TRPM6: variants seen among roughly 807,000 people sequenced by gnomAD.
TRPM6 encodes the protein channel kinase 2.
Under a neutral mutation model 247.6 loss-of-function variants are expected in TRPM6, and 111 were observed. The observed-to-expected ratio is 0.45, with a 90% CI of 0.38 to 0.52. The LOEUF is 0.52. TRPM6 is among the 20% of genes least tolerant of loss of function. The pLI is 0.00. For missense variants in TRPM6, 2,126 were observed against 2,421.5 expected, an observed-to-expected ratio of 0.88 and a Z score of 2.56; for synonymous variants, 892 against 853.8, an observed-to-expected ratio of 1.04 and a Z score of -0.78.
chr9:74,885,665 A>T (rs1831508798), intron 1 of TRPM6, among the ~76,000 whole-genome samples: 1 of 152,206 alleles, frequency 6.6e-6, no homozygotes, highest in Non-Finnish European at 1.5e-5. Flanking sequence ...CAAAGGAATA[A>T]CTGAGTTATA....
intron 14 of TRPM6, chr9:74,804,388 A>C (rs1217255686): frequency 2.0e-6 from 1 of 494,184 alleles, no homozygotes; most frequent in African/African-American, 2.0e-5. Flanking sequence ...ACTCATTGCC[A>C]TTAGCAGGAA....
At chr9:74,759,175 T>C (rs1826537598) in intron 27 of TRPM6, among the ~76,000 whole-genome samples, 1 of 152,096 alleles carries the variant, frequency 6.6e-6, no homozygotes, top group Non-Finnish European at 1.5e-5. Flanking sequence ...TGTTAAGATG[T>C]CAACTTTCCC....
Position 74,816,726 on chromosome 9 carries a change from A to G in TRPM6, c.1251T>C (p.Ala417=). ...SASEQLNLAM[A]WDRVDIAKKH... ...TCTTGGCAATGTCCACCCTGTCCCA[A>G]GCCATTGCCAGATTTAATTGCTCTG... is the stretch of plus-strand genomic sequence containing the variant. The change falls in exon 11 of 39, where the codon GCT becomes GCC. Residue 417 remains alanine (A), a synonymous_variant. Coordinates refer to ENST00000360774, the MANE Select transcript of TRPM6 (RefSeq NM_017662.5). 6.2e-7 allele frequency: 1 copy of G among 1,614,214 alleles called. No homozygotes were observed. Among genetic ancestry groups the G allele is most frequent in the Non-Finnish European group, 8.5e-7 (1 of 1,180,048 alleles).
At chr9:74,875,309 G>C (rs748093285) in intron 1 of TRPM6, 3 of 452,560 alleles carry the variant, frequency 6.6e-6, no homozygotes, top group Non-Finnish European at 1.3e-5. Context: ...TTGGGAGACC[G>C]AGGTGGGTGG....
chr9:74,777,682 C>G (rs1827271162), intron 23 of TRPM6, among the ~76,000 whole-genome samples: 2 of 152,194 alleles, frequency 1.3e-5, no homozygotes, highest in Non-Finnish European at 2.9e-5. Context: ...AGGCTCCCAG[C>G]TCTAAACCGT....
At chr9:74,869,761 T>C (rs1460815171) in intron 1 of TRPM6, among the ~76,000 whole-genome samples, 1 of 151,748 alleles carries the variant, frequency 6.6e-6, no homozygotes, top group Non-Finnish European at 1.5e-5. Flanking sequence ...AGAATGAAGA[T>C]GCAATGAGCG....
chr9:74,787,504 G>A (rs1340132383), intron 20 of TRPM6, among the ~76,000 whole-genome samples: 1 of 151,924 alleles, frequency 6.6e-6, no homozygotes, highest in African/African-American at 2.4e-5. Context: ...TTTCTCTCCT[G>A]ATTTTCTATA....
Position 74,733,891 on chromosome 9 carries a change from T to C in TRPM6, c.5777-1155A>G, listed in dbSNP as rs567517491. Among the ~76,000 whole-genome samples, 17 of 152,294 alleles carry C rather than the reference T, an allele frequency of 1.1e-4. 1 individual carries two copies. In the East Asian group the frequency reaches 3.1e-3, roughly 28 times the overall value. ...ATACTTTCATTCTACTTATAAACAG[T>C]AGAATAGAAACCACCAAATTCTTGA... On this transcript the variant is annotated intron_variant, in intron 36 of 38. Transcript: ENST00000360774.
In TRPM6 at chr9:74,840,157, C is replaced by G. The variant is rs201121138; in HGVS notation, c.411G>C (p.Lys137Asn). 2.2e-5 allele frequency: 35 copies of G among 1,613,944 alleles called. No homozygotes were observed. Among genetic ancestry groups the G allele is most frequent in the East Asian group, 2.2e-5 (1 of 44,886 alleles). ...TGCCCCCATGGACTGAGATCACAAGCTTGGGCAGTTCCATTTTCCACTCTT... is the reference window on the plus strand; with the variant it reads ...TGCCCCCATGGACTGAGATCACAAGGTTGGGCAGTTCCATTTTCCACTCTT... ...MLKEWKMELPKLVISVHGGIQ... is the reference protein window; with the variant it reads ...MLKEWKMELPNLVISVHGGIQ... The change falls in exon 5 of 39, where the codon AAG becomes AAC. Residue 137 changes from lysine (K) to asparagine (N), a missense_variant. By Grantham distance (94) the Lys-to-Asn change is moderately conservative. Transcript: ENST00000360774.
At chr9:74,786,634 G>A (rs1321565095) in intron 20 of TRPM6, among the ~76,000 whole-genome samples, 2 of 152,142 alleles carry the variant, frequency 1.3e-5, no homozygotes, top group African/African-American at 4.8e-5. Flanking sequence ...CAGCTACTCG[G>A]GAGTCTGAGG....
intron 23 of TRPM6, among the ~76,000 whole-genome samples, chr9:74,777,426 C>T (rs144703890): frequency 1.3e-3 from 195 of 152,220 alleles, no homozygotes; most frequent in Middle Eastern, 6.8e-3. Flanking sequence ...GAAATTTGTC[C>T]TATGCGAGGA....
At chr9:74,753,889 C>A (rs980879797) in intron 28 of TRPM6, among the ~76,000 whole-genome samples, 67 of 152,110 alleles carry the variant, frequency 4.4e-4, no homozygotes, top group African/African-American at 1.6e-3. Context: ...GCACTCGGAT[C>A]AACCTATTTC....
At chr9:74,763,167 C>G in intron 25 of TRPM6, 33 bp from the exon 26 acceptor site, 1 of 1,595,972 alleles carries the variant, frequency 6.3e-7, no homozygotes, top group Non-Finnish European at 8.5e-7. Context: ...AACCAACAAG[C>G]ACATTAAGCC....
chr9:74,778,618 A>T lies in TRPM6; in HGVS notation c.3210-2542T>A, dbSNP rs190325542. 1.7e-3 allele frequency among the ~76,000 whole-genome samples: 254 copies of T among 152,204 alleles called. 1 individual carries two copies. Among genetic ancestry groups the T allele is most frequent in the Non-Finnish European group, 2.3e-3 (154 of 68,004 alleles). ...CTGTTCTCTGGGCCGTTTGCAGGAG[A>T]TCTGCAGGTACCAGGAGCCCATACT... On this transcript the variant is annotated intron_variant, in intron 23 of 38. Transcript: ENST00000360774.
At chr9:74,728,122 C>A in intron 38 of TRPM6, 117 bp downstream of exon 38, 1 of 847,394 alleles carries the variant, frequency 1.2e-6, no homozygotes, top group Middle Eastern at 2.3e-4. Flanking sequence ...TCAGGCTCTG[C>A]GAATGACGGT....
At chr9:74,871,033 C>A (rs1831011887) in intron 1 of TRPM6, among the ~76,000 whole-genome samples, 2 of 152,166 alleles carry the variant, frequency 1.3e-5, no homozygotes, top group Admixed American at 1.3e-4. Context: ...AGTAAACCCT[C>A]TATAACTGTG....
chr9:74,814,642 GA>G (rs1342409421), intron 11 of TRPM6, among the ~76,000 whole-genome samples: 10 of 151,954 alleles, frequency 6.6e-5, no homozygotes, highest in Admixed American at 2.0e-4. Flanking sequence ...TATGCTACCA[GA>G]AAAGAAAAGC....
chr9:74,740,153 G>A, intron 33 of TRPM6, 144 bp from the exon 34 acceptor site: 1 of 929,970 alleles, frequency 1.1e-6, no homozygotes, highest in Admixed American at 2.1e-5. Flanking sequence ...AACAGAATAA[G>A]GACATGTATC....
intron 4 of TRPM6, 100 bp from the exon 5 acceptor site, chr9:74,840,337 T>C (rs1829890970): frequency 1.3e-6 from 1 of 774,322 alleles, no homozygotes; most frequent in Admixed American, 2.0e-5. Flanking sequence ...ATGGCCAAAA[T>C]CTAAAAGGAA....
Sources: gnomAD v4.1 joint callset for allele counts (sites outside exome capture counted in the v4.1 genomes callset) on GRCh38, gnomAD v4.1.1 for gene constraint, MANE v1.5 for transcripts, NCBI Gene and HGNC (gene_info 2026-07-23, HGNC 2026-07-21) for gene names.